KDM5A: variants seen among roughly 807,000 people sequenced by gnomAD.
KDM5A encodes the protein lysine demethylase 5A.
In KDM5A, 42 loss-of-function variants were observed where a neutral mutation model predicts 193.5. The observed-to-expected ratio is 0.22, with a 90% confidence interval of 0.17 to 0.28. The LOEUF (loss-of-function observed/expected upper bound fraction) is 0.28. KDM5A is among the 10% of genes least tolerant of loss of function. The pLI is 1.00. For synonymous variants in KDM5A, 796 were observed against 718.1 expected (o/e 1.11, Z -1.73); for missense variants, 1,692 against 2,055.1 (o/e 0.82, Z 3.42).
chr12:349,576 C>A (rs1163301358), intron 10 of KDM5A, among the ~76,000 whole-genome samples: 1 of 152,032 alleles, frequency 6.6e-6, no homozygotes, highest in Non-Finnish European at 1.5e-5. Context: ...GATCCACCCA[C>A]CTCGGCCTCA....
At position 293,080 on chromosome 12, in the gene KDM5A, T is replaced by C. The variant is rs1361516697; in HGVS notation, c.4545A>G (p.Gln1515=). Residue 1515 remains glutamine, a synonymous_variant, in exon 27 of 28, where the codon CAA becomes CAG. Transcript: ENST00000399788. Reference sequence around the variant, plus strand: ...ACTTCTGTTTTCCTTCTCCAAAAAGTTGCTCTACCTTTTCTAGCTTCCGTT... The same window carrying C: ...ACTTCTGTTTTCCTTCTCCAAAAAGCTGCTCTACCTTTTCTAGCTTCCGTT... ...KRKRKLEKVE[Q]LFGEGKQKSK... The C allele has an allele frequency of 1.3e-6, 2 of 1,588,802 alleles. No homozygotes were observed. Among genetic ancestry groups the C allele is most frequent in the South Asian group, 2.3e-5 (2 of 85,424 alleles).
intron 19 of KDM5A, 105 bp downstream of exon 19, chr12:318,001 A>G: frequency 1.8e-6 from 1 of 540,716 alleles, no homozygotes; most frequent in Non-Finnish European, 3.0e-6. Context: ...CCTAAACGCA[A>G]AAAAAAAAAA....
At chr12:301,288 T>C (rs956483533) in intron 24 of KDM5A, among the ~76,000 whole-genome samples, 1 of 152,154 alleles carries the variant, frequency 6.6e-6, no homozygotes. Context: ...AATAAAATAC[T>C]GGCAAACTGA....
At chr12:379,816 T>A (rs1944553616) in intron 3 of KDM5A, among the ~76,000 whole-genome samples, 1 of 152,220 alleles carries the variant, frequency 6.6e-6, no homozygotes, top group South Asian at 2.1e-4. Flanking sequence ...CAAAGTGTAC[T>A]TTATTAGTAG....
At chr12:309,455 T>C (rs1302074357) in intron 22 of KDM5A, among the ~76,000 whole-genome samples, 1 of 152,336 alleles carries the variant, frequency 6.6e-6, no homozygotes, top group East Asian at 1.9e-4. Context: ...AGTGGGTTCA[T>C]TATACATTGC....
intron 18 of KDM5A, 68 bp downstream of exon 18, chr12:320,927 C>T: frequency 9.1e-7 from 1 of 1,098,662 alleles, no homozygotes; most frequent in South Asian, 1.2e-5. Context: ...ATATACCATT[C>T]TGTGAAACCC....
Position 320,951 on chromosome 12 carries a change from A to G in KDM5A, c.2541+44T>C, listed in dbSNP as rs374226511. 9.7e-4 allele frequency: 1,263 copies of G among 1,298,484 alleles called. 2 individuals carry two copies. The highest frequency in any genetic ancestry group is 1.2e-3 in the Non-Finnish European group (1,112 of 891,868). The allele number at this position is 1,298,484 out of a possible 1,614,324, so 80.4% of individuals were successfully genotyped here. The stretch of plus-strand genomic sequence containing the variant: ...TCTGTGAAACCCAGAACAGTGGACC[A>G]TGTCACAAAGGACATTACCCAAAAA... On this transcript the variant is annotated intron_variant, in intron 18 of 27. Transcript: ENST00000399788.
intron 6 of KDM5A, among the ~76,000 whole-genome samples, chr12:356,047 A>T (rs970854848): frequency 6.6e-6 from 1 of 152,222 alleles, no homozygotes; most frequent in African/African-American, 2.4e-5. Context: ...AATTAAAATT[A>T]TGGTTAGAAT....
At chr12:344,172 G>A (rs1169676458) in intron 10 of KDM5A, among the ~76,000 whole-genome samples, 2 of 152,182 alleles carry the variant, frequency 1.3e-5, no homozygotes, top group African/African-American at 2.4e-5. Flanking sequence ...ATCAGTGATT[G>A]AAGATCAAAT....
In KDM5A at chr12:309,851, C is replaced by G. The variant is rs1429773980; in HGVS notation, c.3330G>C (p.Leu1110=). Reference sequence around the variant, plus strand: ...CCTCCAATCCTTCCTCCAGATCACTCAGAGGCTCCAGGTCCAGATCCTTTT... The same window carrying G: ...CCTCCAATCCTTCCTCCAGATCACTGAGAGGCTCCAGGTCCAGATCCTTTT... ...EKEKDLDLEP[L]SDLEEGLEET... is the part of the protein sequence containing the mutation. Residue 1110 remains leucine (L), a synonymous_variant, in exon 22 of 28, where the codon CTG becomes CTC. Coordinates refer to ENST00000399788, the MANE Select transcript of KDM5A (RefSeq NM_001042603.3). The G allele has an allele frequency of 1.2e-6, 2 of 1,614,016 alleles. No individual in the cohort carries two copies. Among genetic ancestry groups the G allele is most frequent in the East Asian group, 4.5e-5 (2 of 44,890 alleles).
At chr12:301,189 TC>T (rs1943436484) in intron 24 of KDM5A, among the ~76,000 whole-genome samples, 1 of 152,122 alleles carries the variant, frequency 6.6e-6, no homozygotes, top group African/African-American at 2.4e-5. Context: ...GAGGCCAGGA[TC>T]ATCCTGATAA....
chr12:316,868 G>A (rs1027904893), intron 19 of KDM5A, among the ~76,000 whole-genome samples: 1 of 152,182 alleles, frequency 6.6e-6, no homozygotes, highest in Non-Finnish European at 1.5e-5. Context: ...TGCATCCAAA[G>A]TAAGTGGCTG....
chr12:380,173 G>A (rs1944557145), intron 3 of KDM5A, among the ~76,000 whole-genome samples: 1 of 151,792 alleles, frequency 6.6e-6, no homozygotes, highest in Non-Finnish European at 1.5e-5. Flanking sequence ...GAGGCTGAGT[G>A]AGGGGAATCG....
At chr12:320,899 A>G (rs1213539194) in intron 18 of KDM5A, 96 bp downstream of exon 18, 1 of 888,618 alleles carries the variant, frequency 1.1e-6, no homozygotes, top group African/African-American at 1.7e-5. Flanking sequence ...AAAAAATCAG[A>G]GCAAAAAACT....
chr12:348,913 A>T (rs958013666), intron 10 of KDM5A, among the ~76,000 whole-genome samples: 1 of 151,864 alleles, frequency 6.6e-6, no homozygotes, highest in African/African-American at 2.4e-5. Context: ...GTAATAAAAT[A>T]AAAAATTAAA....
At chr12:376,423 T>C (rs1418471855) in intron 3 of KDM5A, among the ~76,000 whole-genome samples, 1 of 152,220 alleles carries the variant, frequency 6.6e-6, no homozygotes, top group Non-Finnish European at 1.5e-5. Context: ...GCTAAGACCA[T>C]TGGAAAAGCA....
chr12:295,016 T>A lies in KDM5A; in HGVS notation c.4455+557A>T, dbSNP rs953932642. Among the ~76,000 whole-genome samples, 15 of 152,164 alleles carry A rather than the reference T, an allele frequency of 9.9e-5. No homozygotes were observed. The East Asian group carries it at 1.2e-3, about 12-fold the overall frequency. The stretch of plus-strand genomic sequence containing the variant: ...CCCCCAGGCTTCTACTACTTAACCA[T>A]CCCTGTGCTTCTTTTCATAGTCACT... On this transcript the variant is annotated intron_variant, in intron 26 of 27. Transcript: ENST00000399788.
Position 282,539 on chromosome 12 carries a change from T to C in KDM5A, c.*2917A>G. 1 of 233,178 alleles carries C rather than the reference T, an allele frequency of 4.3e-6. No individual in the cohort carries two copies. The highest frequency in any genetic ancestry group is 8.5e-6 in the Non-Finnish European group (1 of 117,976). 14.4% of individuals were successfully genotyped at this position (233,178 alleles called of 1,614,324 possible). A position where few individuals can be genotyped will look rare whatever the true frequency, so the allele number is the denominator to read the frequency against. The stretch of plus-strand genomic sequence containing the variant: ...TCTGTGGAAGAAAAATCTCCTGTCT[T>C]CTCCCCCAGCTAGAAAGCTAACTAC... On this transcript the variant is annotated 3_prime_UTR_variant, in exon 28 of 28. Coordinates refer to ENST00000399788, the MANE Select transcript of KDM5A (RefSeq NM_001042603.3).
At position 356,532 on chromosome 12, in the gene KDM5A, T is replaced by G. The variant is rs989487232; in HGVS notation, c.678A>C (p.Glu226Asp). 2 of 1,606,104 alleles carry G rather than the reference T, an allele frequency of 1.2e-6. No homozygotes were observed. The highest frequency in any genetic ancestry group is 2.7e-5 in the African/African-American group (2 of 74,802). Reference protein sequence around the residue: ...KRTRRVKTQSESGDVSRNTEL... With the variant: ...KRTRRVKTQSDSGDVSRNTEL... ...CCGTGTTTCTACTCACATCTCCAGA[T>G]TCTGACTAAAAAATAAGCAAAATTC... Residue 226 changes from glutamate to aspartate, a missense_variant, in exon 6 of 28, where the codon GAA becomes GAC. By Grantham distance (45) the Glu-to-Asp change is conservative. This residue lies in a region of KDM5A where 134 missense variants were observed against 124.2 expected (regional missense o/e 1.08). Coordinates refer to ENST00000399788, the MANE Select transcript of KDM5A (RefSeq NM_001042603.3).
Sources: allele counts gnomAD v4.1 joint callset (sites outside exome capture counted in the v4.1 genomes callset), GRCh38; gene constraint gnomAD v4.1.1; regional missense constraint gnomAD v4.1.1; transcripts MANE v1.5; gene names NCBI Gene and HGNC (gene_info 2026-07-23, HGNC 2026-07-21).